SHISA5: variants seen among roughly 807,000 people sequenced by gnomAD.
The protein encoded by SHISA5 is shisa family member 5.
In SHISA5, 21 loss-of-function variants were observed where a neutral mutation model predicts 27.5. The ratio of observed to expected loss-of-function variants is 0.76; its 90% CI spans 0.54 to 1.10. The LOEUF (loss-of-function observed/expected upper bound fraction) is 1.10. Among genes scored for constraint, SHISA5 ranks in the 50% least tolerant of loss-of-function variants. The probability of loss-of-function intolerance (pLI) is 0.00; values close to 1 mark genes in which losing one functional copy is unlikely to be tolerated. For synonymous variants in SHISA5, 137 were observed against 142.2 expected, an observed-to-expected ratio of 0.96 and a Z score of 0.26; for missense variants, 314 against 336.3, an observed-to-expected ratio of 0.93 and a Z score of 0.52.
At position 48,485,517 on chromosome 3, in the gene SHISA5, T is replaced by TTA. The variant is rs1007975651; in HGVS notation, c.234-6262_234-6261dup. Among the ~76,000 whole-genome samples the TTA allele has an allele frequency of 1.1e-4, 15 of 142,686 alleles. 1 individual carries two copies. The South Asian group carries it at 2.6e-3, about 24-fold the overall frequency. The allele number at this position is 142,686 out of a possible 152,430, so 93.6% of individuals were successfully genotyped here. A position where few individuals can be genotyped will look rare whatever the true frequency, so the allele number is the denominator to read the frequency against. On this transcript the variant is annotated intron_variant, in intron 2 of 5. Transcript: ENST00000296444. ...ACTCCATCTCAAAAAATATATATTT[T>TTA]TATATATATATTAAATATATATATT...
chr3:48,473,381 C>G lies in SHISA5; in HGVS notation c.315-3538G>C. ...AGAGCCACCCCAGCCTCAGTGGGCCCCAACCACACTCTAGCTCAGCAGCAC... is the reference window on the plus strand; with the variant it reads ...AGAGCCACCCCAGCCTCAGTGGGCCGCAACCACACTCTAGCTCAGCAGCAC... On this transcript the variant is annotated intron_variant, in intron 3 of 5. Coordinates refer to ENST00000296444, the MANE Select transcript of SHISA5 (RefSeq NM_016479.6). This position sits in a 1 kb window ranked among gnomAD's most constrained non-coding sequence, Gnocchi z 4.3. The G allele has an allele frequency of 7.5e-7, 1 of 1,335,152 alleles. No individual in the cohort carries two copies. Among genetic ancestry groups the G allele is most frequent in the Non-Finnish European group, 9.8e-7 (1 of 1,019,192 alleles). The allele number at this position is 1,335,152 out of a possible 1,614,324, so 82.7% of individuals were successfully genotyped here.
chr3:48,496,712 G>C (rs1462521986), intron 2 of SHISA5, among the ~76,000 whole-genome samples: 2 of 149,516 alleles, frequency 1.3e-5, no homozygotes, highest in Non-Finnish European at 3.0e-5. Context: ...CCAATCTGGG[G>C]ACAAGAGCTA....
intron 1 of SHISA5, 26 bp downstream of exon 1, chr3:48,503,993 A>G: frequency 6.9e-7 from 1 of 1,459,292 alleles, no homozygotes; most frequent in Non-Finnish European, 9.1e-7. Flanking sequence ...CCAGGGCAGG[A>G]CGGGCCGCCC....
At chr3:48,492,470 A>G (rs2107367040) in intron 2 of SHISA5, among the ~76,000 whole-genome samples, 1 of 148,038 alleles carries the variant, frequency 6.8e-6, no homozygotes, top group East Asian at 1.9e-4. Context: ...ACTCCGTCTC[A>G]TAAGAAAAAA....
chr3:48,476,968 G>A, intron 3 of SHISA5: 2 of 413,262 alleles, frequency 4.8e-6, no homozygotes, highest in Non-Finnish European at 9.4e-6. Flanking sequence ...TGGGGAGTCA[G>A]AGGTGCCTCT....
At chr3:48,483,551 T>G (rs1386204417) in intron 2 of SHISA5, among the ~76,000 whole-genome samples, 6 of 152,180 alleles carry the variant, frequency 3.9e-5, no homozygotes, top group Admixed American at 3.9e-4. Context: ...CCCCCTTTTC[T>G]ATCCCACAAA....
At position 48,469,966 on chromosome 3, in the gene SHISA5, T is replaced by C. The variant is rs575762868; in HGVS notation, c.315-123A>G. 1.8e-5 allele frequency: 23 copies of C among 1,308,054 alleles called. No individual in the cohort carries two copies. The Admixed American group carries it at 4.7e-4, about 27-fold the overall frequency. 81.0% of individuals were successfully genotyped at this position (1,308,054 alleles called of 1,614,324 possible). ...GGCAATACAGTTATAGCTACTTCCTTGTCGGGTGGCCTGCACCTGTTTCAA... is the reference window on the plus strand; with the variant it reads ...GGCAATACAGTTATAGCTACTTCCTCGTCGGGTGGCCTGCACCTGTTTCAA... On this transcript the variant is annotated intron_variant, in intron 3 of 5. Coordinates refer to ENST00000296444, the MANE Select transcript of SHISA5 (RefSeq NM_016479.6). The surrounding 1 kb of genome is among the most constrained non-coding windows in gnomAD (Gnocchi z 4.6).
intron 2 of SHISA5, among the ~76,000 whole-genome samples, chr3:48,495,549 T>A (rs2041516191): frequency 1.4e-5 from 2 of 146,352 alleles, no homozygotes; most frequent in African/African-American, 5.5e-5. Flanking sequence ...GGATGGAGTC[T>A]CTCTCTCTGT....
intron 2 of SHISA5, among the ~76,000 whole-genome samples, chr3:48,483,343 G>A (rs1017338478): frequency 4.6e-5 from 7 of 151,934 alleles, no homozygotes; most frequent in Non-Finnish European, 7.4e-5. Context: ...ATCTTGCACC[G>A]CCCTTAATCC....
At chr3:48,481,662 G>GC in intron 2 of SHISA5, among the ~76,000 whole-genome samples, 1 of 150,988 alleles carries the variant, frequency 6.6e-6, no homozygotes, top group South Asian at 2.1e-4. Flanking sequence ...GGTGGTGGCC[G>GC]CCTGTAATCC....
chr3:48,468,927 C>G lies in SHISA5; in HGVS notation c.*180G>C, dbSNP rs563765688. ...AGCCCACTCTGGCAAGGATTGTTCC[C>G]CACCTTGTCAGCATCAGAGGAAGCC... On this transcript the variant is annotated 3_prime_UTR_variant, in exon 6 of 6. Transcript: ENST00000296444. The G allele has an allele frequency of 6.7e-5, 103 of 1,548,738 alleles. No homozygotes were observed. The African/African-American group carries it at 1.2e-3, about 18-fold the overall frequency.
At position 48,470,498 on chromosome 3, in the gene SHISA5, C is replaced by T. The variant is rs924249517; in HGVS notation, c.315-655G>A. ...CAGGGGTCACACACACCCCTGGGTC[C>T]CCCACCTCTGACCTGCATGGCCACT... On this transcript the variant is annotated intron_variant, in intron 3 of 5. Coordinates refer to ENST00000296444, the MANE Select transcript of SHISA5 (RefSeq NM_016479.6). This position sits in a 1 kb window ranked among gnomAD's most constrained non-coding sequence, Gnocchi z 4.3. 6.6e-6 allele frequency among the ~76,000 whole-genome samples: 1 copy of T among 152,228 alleles called. No individual in the cohort carries two copies. The highest frequency in any genetic ancestry group is 1.5e-5 in the Non-Finnish European group (1 of 68,046).
At chr3:48,498,677 T>TCC in intron 2 of SHISA5, among the ~76,000 whole-genome samples, 1 of 120,744 alleles carries the variant, frequency 8.3e-6, no homozygotes. Context: ...AGACACAGAC[T>TCC]GTCTCCAGAA....
At chr3:48,490,735 G>A (rs777560265) in intron 2 of SHISA5, among the ~76,000 whole-genome samples, 2 of 152,108 alleles carry the variant, frequency 1.3e-5, no homozygotes, top group African/African-American at 4.8e-5. Flanking sequence ...CCCAAAACAT[G>A]TTTCTTTGCC....
chr3:48,483,711 T>TG, intron 2 of SHISA5, among the ~76,000 whole-genome samples: 1 of 29,888 alleles, frequency 3.3e-5, no homozygotes, highest in Non-Finnish European at 9.0e-5. Context: ...GCTGGCCGGG[T>TG]GGGGGGCTGA....
intron 2 of SHISA5, among the ~76,000 whole-genome samples, chr3:48,481,889 A>T (rs2107327406): frequency 6.6e-6 from 1 of 151,664 alleles, no homozygotes; most frequent in South Asian, 2.1e-4. Flanking sequence ...AACACAGTGA[A>T]ACCCTGTCTC....
intron 3 of SHISA5, among the ~76,000 whole-genome samples, chr3:48,477,627 C>A (rs1024533470): frequency 6.6e-6 from 1 of 152,194 alleles, no homozygotes; most frequent in Non-Finnish European, 1.5e-5. Flanking sequence ...GAGTTGCCTG[C>A]GACCAGCATA....
At chr3:48,497,588 G>A (rs1446433102) in intron 2 of SHISA5, among the ~76,000 whole-genome samples, 2 of 151,626 alleles carry the variant, frequency 1.3e-5, no homozygotes, top group Admixed American at 6.6e-5. Flanking sequence ...AAAAGCAATC[G>A]GAGGGTTAAA....
At position 48,496,733 on chromosome 3, in the gene SHISA5, CA is replaced by C. The variant is rs1303110775; in HGVS notation, c.233+4403del. 5.7e-4 allele frequency among the ~76,000 whole-genome samples: 59 copies of C among 103,486 alleles called. 1 individual carries two copies. Among genetic ancestry groups the C allele is most frequent in the Admixed American group, 3.0e-3 (28 of 9,422 alleles). The allele number at this position is 103,486 out of a possible 152,430, so 67.9% of individuals were successfully genotyped here. On this transcript the variant is annotated intron_variant, in intron 2 of 5. Coordinates refer to ENST00000296444, the MANE Select transcript of SHISA5 (RefSeq NM_016479.6). ...TGGGGACAAGAGCTAGACTTCGTCT[CA>C]AAAAAAAAAAGAAAAGAAATTTAAA... is the stretch of plus-strand genomic sequence containing the variant.
Sources: gnomAD v4.1 joint callset for allele counts (sites outside exome capture counted in the v4.1 genomes callset) on GRCh38, gnomAD v4.1.1 for gene constraint, Gnocchi (gnomAD v3.1) non-coding constraint, MANE v1.5 for transcripts, NCBI Gene and HGNC (gene_info 2026-07-23, HGNC 2026-07-21) for gene names.